The following RPL7A variants were observed in gnomAD, a reference collection of about 807,000 sequenced individuals.
RPL7A encodes the protein large ribosomal subunit protein eL8.
For synonymous variants in RPL7A, 158 were observed against 128.2 expected (o/e 1.23, Z -1.57); for missense variants, 291 against 338.2 (o/e 0.86, Z 1.09).
chr9:133,350,754 TC>T, intron 6 of RPL7A, 27 bp downstream of exon 6: 3 of 1,608,120 alleles, frequency 1.9e-6, no homozygotes, highest in Non-Finnish European at 2.6e-6. Context: ...GCCCCAAACT[TC>T]CCCCCAGTTC....
chr9:133,349,175 C>A, intron 2 of RPL7A, 133 bp downstream of exon 2: 2 of 1,085,066 alleles, frequency 1.8e-6, no homozygotes, highest in Non-Finnish European at 2.7e-6. Context: ...CTCTTAGAGA[C>A]GGGGGCAATG....
At chr9:133,348,690 T>C in intron 1 of RPL7A, 1 of 723,154 alleles carries the variant, frequency 1.4e-6, no homozygotes, top group Non-Finnish European at 2.5e-6. Context: ...GAGCGTGGTC[T>C]CGGGCTTAGC....
intron 1 of RPL7A, chr9:133,348,677 A>G: frequency 1.4e-6 from 1 of 705,216 alleles, no homozygotes; most frequent in Non-Finnish European, 2.6e-6. Flanking sequence ...GGCGACGCGA[A>G]GAGAGCGTGG....
At chr9:133,349,295 G>T (rs1403400844) in intron 2 of RPL7A, 2 of 766,948 alleles carry the variant, frequency 2.6e-6, no homozygotes, top group Admixed American at 1.8e-5. Context: ...TAGCAGTGTC[G>T]CAGCGAGGTA....
At position 133,350,659 on chromosome 9, in the gene RPL7A, A is replaced by G; in HGVS notation, c.558A>G (p.Gly186=). The change falls in exon 6 of 8, where the codon GGA becomes GGG. Residue 186 remains glycine, a synonymous_variant. Transcript: ENST00000323345. ...KMGVPYCIIK[G]KARLGRLVHR... is the part of the protein sequence containing the mutation. ...GGGTCCCTTACTGCATTATCAAGGG[A>G]AAGGCAAGACTGGGACGTCTAGTCC... 6.2e-7 allele frequency: 1 copy of G among 1,614,132 alleles called. No homozygotes were observed. Among genetic ancestry groups the G allele is most frequent in the Non-Finnish European group, 8.5e-7 (1 of 1,180,008 alleles).
chr9:133,349,822 C>T, intron 3 of RPL7A, 90 bp from the exon 4 acceptor site: 5 of 1,582,686 alleles, frequency 3.2e-6, no homozygotes, highest in Non-Finnish European at 2.6e-6. Context: ...AGTCATATAG[C>T]AGGACCGCAG....
In RPL7A at chr9:133,349,031, A is replaced by C. The variant is rs1836301802; in HGVS notation, c.113A>C (p.Asn38Thr). Residue 38 changes from asparagine (N) to threonine (T), a missense_variant, in exon 2 of 8, where the codon AAT becomes ACT. By Grantham distance (65) the Asn-to-Thr change is moderately conservative. Transcript: ENST00000323345. ...VNPLFEKRPK[N>T]FGIGQDIQPK... ...CCCCTGTTTGAGAAAAGGCCTAAGA[A>C]TTTTGGCATTGGTAAGTAACAAACG... 6.2e-7 allele frequency: 1 copy of C among 1,613,658 alleles called. No homozygotes were observed.
chr9:133,349,983 G>C lies in RPL7A; in HGVS notation c.346G>C (p.Ala116Pro). 3.1e-6 allele frequency: 5 copies of C among 1,612,490 alleles called. No homozygotes were observed. Among genetic ancestry groups the C allele is most frequent in the Non-Finnish European group, 4.2e-6 (5 of 1,180,048 alleles). The change falls in exon 4 of 8, where the codon GCC (alanine) becomes CCC (proline). Residue 116 changes from alanine to proline, a missense_variant. Ala to Pro is a conservative substitution (Grantham distance 27, BLOSUM62 -1). Coordinates refer to ENST00000323345, the MANE Select transcript of RPL7A (RefSeq NM_000972.3). ...TKQEKKQRLL[A>P]RAEKKAAGKG... ...GCAAGAGAAGAAGCAGAGACTGTTGGCCCGGGCCGAGAAGAAGGCTGCTGG... is the reference window on the plus strand; with the variant it reads ...GCAAGAGAAGAAGCAGAGACTGTTGCCCCGGGCCGAGAAGAAGGCTGCTGG...
intron 6 of RPL7A, 116 bp downstream of exon 6, chr9:133,350,843 C>T (rs2129996474): frequency 3.8e-6 from 6 of 1,558,856 alleles, no homozygotes; most frequent in South Asian, 1.1e-5. Flanking sequence ...TTTATCTGAA[C>T]TTTTGCCAAT....
chr9:133,348,870 C>A (rs200213490), intron 1 of RPL7A, 52 bp from the exon 2 acceptor site: 583 of 1,612,976 alleles, frequency 3.6e-4, no homozygotes, highest in Non-Finnish European at 4.5e-4. Flanking sequence ...AGCCCTACCC[C>A]CGACGAAGCG....
At chr9:133,351,095 A>G in intron 7 of RPL7A, 24 bp downstream of exon 7, 1 of 1,608,532 alleles carries the variant, frequency 6.2e-7, no homozygotes, top group African/African-American at 1.3e-5. Flanking sequence ...TTACACCAAA[A>G]TACTGTCATT....
chr9:133,350,395 C>A, intron 5 of RPL7A, 76 bp downstream of exon 5: 1 of 1,562,972 alleles, frequency 6.4e-7, no homozygotes, highest in South Asian at 1.1e-5. Context: ...AATGCCAAGT[C>A]AGTGATGGGA....
chr9:133,351,158 C>G, intron 7 of RPL7A, 87 bp downstream of exon 7: 1 of 1,542,664 alleles, frequency 6.5e-7, no homozygotes, highest in Non-Finnish European at 8.9e-7. Flanking sequence ...GAAGTTCTAT[C>G]TGACGATCAG....
chr9:133,348,265 C>T lies in RPL7A; in HGVS notation c.3+19C>T, dbSNP rs2129977438. ...CAAGATGGTGAGTGAGCTGTAGTTC[C>T]GTGGCACTATAGCCAGGTTCCGGCT... On this transcript the variant is annotated intron_variant, in intron 1 of 7. Transcript: ENST00000323345. The T allele has an allele frequency of 1.3e-5, 21 of 1,613,956 alleles. No individual in the cohort carries two copies. The highest frequency in any genetic ancestry group is 1.6e-4 in the Middle Eastern group (1 of 6,084).
chr9:133,349,313 T>G (rs1836312492), intron 2 of RPL7A: 1 of 798,878 alleles, frequency 1.3e-6, no homozygotes, highest in African/African-American at 1.7e-5. Flanking sequence ...GTACTAGGAC[T>G]GCAATTCTGC....
intron 1 of RPL7A, 137 bp downstream of exon 1, chr9:133,348,383 A>C: frequency 8.1e-7 from 1 of 1,240,428 alleles, no homozygotes; most frequent in Non-Finnish European, 1.2e-6. Context: ...GCACGGAGAC[A>C]CCGAGGTGGA....
Position 133,350,027 on chromosome 9 carries a change from G to T in RPL7A, c.390G>T (p.Thr130=). Residue 130 remains threonine (T), a synonymous_variant, in exon 4 of 8, where the codon ACG becomes ACT. Coordinates refer to ENST00000323345, the MANE Select transcript of RPL7A (RefSeq NM_000972.3). ...KKAAGKGDVP[T]KRPPVLRAGV... The stretch of plus-strand genomic sequence containing the variant: ...CTGCTGGCAAAGGGGACGTCCCAAC[G>T]AAGAGACCACCTGTCCTTCGAGCAG... 1.2e-6 allele frequency: 2 copies of T among 1,613,596 alleles called. No individual in the cohort carries two copies. The highest frequency in any genetic ancestry group is 1.1e-5 in the South Asian group (1 of 91,056).
intron 2 of RPL7A, 159 bp from the exon 3 acceptor site, chr9:133,349,392 T>G: frequency 1.0e-6 from 1 of 979,686 alleles, no homozygotes. Flanking sequence ...CTCAGGTGTT[T>G]GTGTGCAGAT....
chr9:133,348,344 C>T (rs1164974786), intron 1 of RPL7A, 98 bp downstream of exon 1: 4 of 1,530,304 alleles, frequency 2.6e-6, no homozygotes, highest in South Asian at 1.1e-5. Context: ...CCTGCTCCTC[C>T]TGGCGCTAGG....
Sources: gnomAD v4.1 joint callset for allele counts on GRCh38, gnomAD v4.1.1 for gene constraint, MANE v1.5 for transcripts, NCBI Gene and HGNC (gene_info 2026-07-23, HGNC 2026-07-21) for gene names.